Variants in TMEM232 observed in about 807,000 individuals in gnomAD.
TMEM232 encodes transmembrane protein 232.
TMEM232 carries 80 observed loss-of-function variants against 78.8 expected under a neutral mutation model. The observed-to-expected ratio is 1.01, with a 90% CI of 0.85 to 1.22. The LOEUF (loss-of-function observed/expected upper bound fraction) is 1.22. Ranked by LOEUF, TMEM232 falls within the 50% of genes most tolerant of loss-of-function variation. TMEM232 has a pLI of 0.00. For synonymous variants in TMEM232, 297 were observed against 254.3 expected, an observed-to-expected ratio of 1.17 and a Z score of -1.60; for missense variants, 881 against 742.2, an observed-to-expected ratio of 1.19 and a Z score of -2.17.
intron 2 of TMEM232, among the ~76,000 whole-genome samples, chr5:110,658,217 C>G (rs1488396732): frequency 2.0e-5 from 3 of 152,138 alleles, no homozygotes; most frequent in African/African-American, 7.2e-5. Context: ...CTCTGTCATC[C>G]TGATACCCGT....
chr5:110,482,458 A>G (rs1763972024), intron 12 of TMEM232, among the ~76,000 whole-genome samples: 3 of 151,864 alleles, frequency 2.0e-5, no homozygotes, highest in Middle Eastern at 3.4e-3. Context: ...GTGGGTGCTT[A>G]TAATCCCAGC....
chr5:110,555,953 T>A (rs181078609), intron 11 of TMEM232, among the ~76,000 whole-genome samples: 1 of 152,294 alleles, frequency 6.6e-6, no homozygotes, highest in East Asian at 1.9e-4. Context: ...CACTTTGTAC[T>A]TTTTAAGTGG....
chr5:110,397,221 C>G (rs1003752941), intron 3 of TMEM232, among the ~76,000 whole-genome samples: 29 of 152,108 alleles, frequency 1.9e-4, no homozygotes, highest in African/African-American at 6.8e-4. Flanking sequence ...TGATTAAACT[C>G]TTAGTTCCTC....
intron 12 of TMEM232, among the ~76,000 whole-genome samples, chr5:110,512,504 C>T (rs1767930287): frequency 6.6e-6 from 1 of 152,174 alleles, no homozygotes; most frequent in African/African-American, 2.4e-5. Flanking sequence ...CACATCACCT[C>T]TATTAGGTCT....
intron 1 of TMEM232, among the ~76,000 whole-genome samples, chr5:110,736,796 G>C (rs244927): frequency 0.61 from 91,926 of 151,646 alleles, 32,239 homozygotes; most frequent in Non-Finnish European, 0.79. Context: ...ACAAGGCTTT[G>C]CAAGATCTGG....
chr5:110,587,689 ATATGTGTGTGTGTGTGTGTGTGTGTGTG>A (rs1252310687), intron 10 of TMEM232, among the ~76,000 whole-genome samples: 1 of 53,260 alleles, frequency 1.9e-5, no homozygotes, highest in African/African-American at 8.7e-5. Context: ...ATATATATAT[ATATGTGTGTGTGTGTGTGTGTGTGTGTG>A]TGTGTGTGTG....
At chr5:110,617,230 C>G (rs916294772) in intron 8 of TMEM232, among the ~76,000 whole-genome samples, 1 of 152,078 alleles carries the variant, frequency 6.6e-6, no homozygotes, top group Admixed American at 6.5e-5. Context: ...GCCGAACTTG[C>G]AGAACTAGGT....
intron 10 of TMEM232, among the ~76,000 whole-genome samples, chr5:110,579,279 T>C (rs566088523): frequency 2.3e-4 from 35 of 148,978 alleles, no homozygotes; most frequent in Admixed American, 1.9e-3. Context: ...AAAACCGAAA[T>C]ACTTTCTCAG....
At position 110,556,973 on chromosome 5, in the gene TMEM232, GTTGT is replaced by G. The variant is rs574772313; in HGVS notation, c.1455+11470_1455+11473del. On this transcript the variant is annotated intron_variant, in intron 11 of 13. Transcript: ENST00000455884. Reference sequence around the variant, plus strand: ...CAATATCTTCAAATATGTTTTCCAAGTTGTTTGTTTGTCTCCCTCTCTTTCAGGG... The same window carrying G: ...CAATATCTTCAAATATGTTTTCCAAGTTGTTTGTCTCCCTCTCTTTCAGGG... 3.0e-3 allele frequency among the ~76,000 whole-genome samples: 464 copies of G among 152,196 alleles called. 3 individuals are homozygous for G. Among genetic ancestry groups the G allele is most frequent in the African/African-American group, 0.011 (443 of 41,530 alleles).
chr5:110,458,809 AAAT>A (rs1761170934), intron 12 of TMEM232, among the ~76,000 whole-genome samples: 1 of 152,208 alleles, frequency 6.6e-6, no homozygotes, highest in Non-Finnish European at 1.5e-5. Context: ...TCAGGGGATG[AAAT>A]AATGAGTTTA....
intron 12 of TMEM232, among the ~76,000 whole-genome samples, chr5:110,444,656 C>T (rs556704557): frequency 6.6e-6 from 1 of 152,096 alleles, no homozygotes; most frequent in Non-Finnish European, 1.5e-5. Flanking sequence ...TTTTTAGTTG[C>T]CACGTTTTGT....
chr5:110,415,424 T>G (rs7713506), downstream of TMEM232, among the ~76,000 whole-genome samples: 41,076 of 151,334 alleles, frequency 0.27, 9,196 homozygotes, highest in African/African-American at 0.61. Flanking sequence ...TCCTGACCCG[T>G]GTTCCACCCA....
chr5:110,518,058 C>CTTTAT (rs1225114656), intron 12 of TMEM232, among the ~76,000 whole-genome samples: 1 of 151,978 alleles, frequency 6.6e-6, no homozygotes, highest in African/African-American at 2.4e-5. Context: ...TATCTTTCAA[C>CTTTAT]TTTATTTCTG....
intron 12 of TMEM232, among the ~76,000 whole-genome samples, chr5:110,453,927 A>C (rs1365247815): frequency 6.6e-6 from 1 of 152,210 alleles, no homozygotes; most frequent in Non-Finnish European, 1.5e-5. Flanking sequence ...TTACAATGTG[A>C]TTAATAAAAA....
upstream of TMEM232, among the ~76,000 whole-genome samples, chr5:110,738,549 G>C (rs1799460278): frequency 1.3e-5 from 2 of 152,002 alleles, no homozygotes; most frequent in South Asian, 4.2e-4. Context: ...TCTCTCAATA[G>C]ATTTGATCCA....
chr5:110,709,229 A>C (rs1033903359), intron 1 of TMEM232, among the ~76,000 whole-genome samples: 1 of 152,162 alleles, frequency 6.6e-6, no homozygotes, highest in African/African-American at 2.4e-5. Flanking sequence ...ACACAGATAC[A>C]TAAGGCAAAT....
At chr5:110,451,375 G>A (rs914444420) in intron 12 of TMEM232, among the ~76,000 whole-genome samples, 1 of 152,038 alleles carries the variant, frequency 6.6e-6, no homozygotes, top group African/African-American at 2.4e-5. Flanking sequence ...TGTTTTTAAT[G>A]AATCCTGTTA....
Position 110,424,847 on chromosome 5 carries a change from C to T in TMEM232, c.1773G>A (p.Glu591=), listed in dbSNP as rs1561477592. 2.6e-6 allele frequency: 4 copies of T among 1,549,506 alleles called. No individual in the cohort carries two copies. The highest frequency in any genetic ancestry group is 2.0e-5 in the Admixed American group (1 of 50,804). ...CGTGATGGTCAATGATTTTTGCCAA[C>T]TCTTTATCTGCCTTGGTGAAGAAAT... ...YPDFFTKADK[E]LAKIIDHHWQ... is the part of the protein sequence containing the mutation. The change falls in exon 13 of 14, where the codon GAG becomes GAA. Residue 591 remains glutamate (E), a synonymous_variant. Coordinates refer to ENST00000455884, the MANE Select transcript of TMEM232 (RefSeq NM_001039763.4).
At chr5:110,596,716 T>A (rs1222799283) in intron 10 of TMEM232, among the ~76,000 whole-genome samples, 13 of 152,150 alleles carry the variant, frequency 8.5e-5, no homozygotes, top group Admixed American at 2.0e-4. Context: ...CAATATACGC[T>A]AATCAATAAA....
Sources: allele counts gnomAD v4.1 joint callset (sites outside exome capture counted in the v4.1 genomes callset), GRCh38; gene constraint gnomAD v4.1.1; transcripts MANE v1.5; gene names NCBI Gene and HGNC (gene_info 2026-07-23, HGNC 2026-07-21).